HPCAL1: variants seen among roughly 807,000 people sequenced by gnomAD.
HPCAL1 encodes the protein hippocalcin-like protein 1.
A neutral mutation model predicts 17.1 loss-of-function variants in HPCAL1; 8 were observed. The ratio of observed to expected loss-of-function variants is 0.47; its 90% confidence interval spans 0.27 to 0.84. The LOEUF is 0.84. Among genes scored for constraint, HPCAL1 ranks in the 40% least tolerant of loss-of-function variants. The probability of loss-of-function intolerance (pLI) is 0.13; values close to 1 mark genes in which losing one functional copy is unlikely to be tolerated. For synonymous variants in HPCAL1, 112 were observed against 111.4 expected (o/e 1.01, Z -0.03); for missense variants, 165 against 271.1 (o/e 0.61, Z 2.75).
intron 1 of HPCAL1, among the ~76,000 whole-genome samples, chr2:10,334,395 C>T (rs1020050055): frequency 6.6e-6 from 1 of 151,996 alleles, no homozygotes; most frequent in Admixed American, 6.5e-5. Flanking sequence ...GTAGTCCCAG[C>T]TCTTCAGGAG....
chr2:10,382,383 A>C (rs1668009511), intron 1 of HPCAL1, among the ~76,000 whole-genome samples: 1 of 152,116 alleles, frequency 6.6e-6, no homozygotes, highest in Admixed American at 6.5e-5. Context: ...ACAGTTGTCA[A>C]AACCCATAGA....
intron 1 of HPCAL1, among the ~76,000 whole-genome samples, chr2:10,312,026 TTCA>T (rs1161536301): frequency 6.7e-6 from 1 of 149,246 alleles, no homozygotes; most frequent in African/African-American, 2.5e-5. Context: ...ATCGTCACCA[TTCA>T]TCATCACTGT....
At chr2:10,410,071 G>A (rs537631611) in intron 2 of HPCAL1, among the ~76,000 whole-genome samples, 2 of 152,246 alleles carry the variant, frequency 1.3e-5, no homozygotes, top group East Asian at 3.9e-4. Context: ...TGACAGGTGT[G>A]AGCCACGGCG....
chr2:10,311,954 C>A (rs945891780), intron 1 of HPCAL1, among the ~76,000 whole-genome samples: 3 of 151,730 alleles, frequency 2.0e-5, no homozygotes, highest in Admixed American at 1.3e-4. Context: ...GTCATCATCA[C>A]CATCATCATC....
At chr2:10,351,322 G>A (rs1050585815) in intron 1 of HPCAL1, among the ~76,000 whole-genome samples, 6 of 152,206 alleles carry the variant, frequency 3.9e-5, no homozygotes, top group African/African-American at 7.2e-5. Flanking sequence ...CATATAATAC[G>A]ATTCCATCTA....
chr2:10,311,124 T>A (rs1452769731), intron 1 of HPCAL1, among the ~76,000 whole-genome samples: 1 of 152,192 alleles, frequency 6.6e-6, no homozygotes, highest in East Asian at 1.9e-4. Flanking sequence ...CTTCAGGGGC[T>A]GAGATAGGGC....
intron 1 of HPCAL1, among the ~76,000 whole-genome samples, chr2:10,388,302 A>C (rs1271535923): frequency 6.6e-6 from 1 of 152,178 alleles, no homozygotes; most frequent in East Asian, 1.9e-4. Context: ...CCAGAACAGG[A>C]GGTGCCTCAG....
Position 10,315,949 on chromosome 2 carries a change from C to T in HPCAL1, c.-111+12772C>T, listed in dbSNP as rs555422187. The stretch of plus-strand genomic sequence containing the variant: ...TTGAACCCAGGAGGTGGAGGTTGCA[C>T]TGACCCGAGATCAGGCCACTGCACT... On this transcript the variant is annotated intron_variant, in intron 1 of 4. Transcript: ENST00000307845. Among the ~76,000 whole-genome samples the T allele has an allele frequency of 2.6e-5, 4 of 152,182 alleles. No individual in the cohort carries two copies. The South Asian group carries it at 8.3e-4, about 32-fold the overall frequency.
intron 1 of HPCAL1, among the ~76,000 whole-genome samples, chr2:10,326,980 C>T (rs1442339412): frequency 6.6e-6 from 1 of 152,204 alleles, no homozygotes; most frequent in African/African-American, 2.4e-5. Flanking sequence ...GGTGTCGGCT[C>T]CTCGGAAGCC....
chr2:10,329,410 G>A (rs961870101), intron 1 of HPCAL1, among the ~76,000 whole-genome samples: 13 of 152,078 alleles, frequency 8.5e-5, no homozygotes, highest in African/African-American at 3.1e-4. Flanking sequence ...GCTGCAGTGA[G>A]CCCGAGGGAG....
intron 2 of HPCAL1, among the ~76,000 whole-genome samples, chr2:10,407,363 T>C (rs1431134041): frequency 6.6e-6 from 1 of 152,184 alleles, no homozygotes; most frequent in African/African-American, 2.4e-5. Flanking sequence ...AGTCACAGAA[T>C]GTTAGAATAA....
chr2:10,378,852 T>C (rs1667758891), intron 1 of HPCAL1, among the ~76,000 whole-genome samples: 1 of 152,196 alleles, frequency 6.6e-6, no homozygotes, highest in Admixed American at 6.5e-5. Context: ...GAAACAATTA[T>C]AATGCATAAT....
chr2:10,353,841 C>A (rs1665982035), intron 1 of HPCAL1, among the ~76,000 whole-genome samples: 1 of 152,198 alleles, frequency 6.6e-6, no homozygotes, highest in African/African-American at 2.4e-5. Flanking sequence ...GGATTACAGG[C>A]GTGAGCCACC....
intron 1 of HPCAL1, among the ~76,000 whole-genome samples, chr2:10,324,988 ATTT>A (rs70948884): frequency 1.3e-4 from 18 of 136,996 alleles, no homozygotes; most frequent in African/African-American, 4.3e-4. Flanking sequence ...ACGCCCAGCA[ATTT>A]TTTTTTTTTT....
At chr2:10,318,134 T>G (rs1663435461) in intron 1 of HPCAL1, among the ~76,000 whole-genome samples, 1 of 152,206 alleles carries the variant, frequency 6.6e-6, no homozygotes, top group Non-Finnish European at 1.5e-5. Context: ...GGCAGTCAAC[T>G]TGGTGGTTGG....
At chr2:10,420,799 C>T (rs774526103) in intron 3 of HPCAL1, among the ~76,000 whole-genome samples, 2 of 151,844 alleles carry the variant, frequency 1.3e-5, no homozygotes, top group Non-Finnish European at 1.5e-5. Flanking sequence ...CTCACTTTGT[C>T]GCCCAGGCTG....
chr2:10,385,345 G>A (rs577797992), intron 1 of HPCAL1, among the ~76,000 whole-genome samples: 1 of 110,004 alleles, frequency 9.1e-6, no homozygotes, highest in African/African-American at 4.2e-5. Flanking sequence ...TTCAGCTCCC[G>A]GTCACTTGTC....
At chr2:10,374,871 C>T (rs543123379) in intron 1 of HPCAL1, among the ~76,000 whole-genome samples, 11 of 152,334 alleles carry the variant, frequency 7.2e-5, no homozygotes, top group Admixed American at 2.0e-4. Context: ...GTGGAGAACT[C>T]CCTGGGGCTG....
chr2:10,405,503 C>T lies in HPCAL1; in HGVS notation c.-25+8583C>T, dbSNP rs149605428. ...GGCCCCGTAGTCTCAGTTTTGCTCC[C>T]GCTAGGGTGAAACACGGTTCCCTGG... On this transcript the variant is annotated intron_variant, in intron 2 of 4. Coordinates refer to ENST00000307845, the MANE Select transcript of HPCAL1 (RefSeq NM_002149.4). 9.8e-5 allele frequency among the ~76,000 whole-genome samples: 15 copies of T among 152,358 alleles called. No individual in the cohort carries two copies. In the East Asian group the frequency reaches 2.3e-3, roughly 23 times the overall value.
Sources: allele counts gnomAD v4.1 joint callset (sites outside exome capture counted in the v4.1 genomes callset), GRCh38; gene constraint gnomAD v4.1.1; transcripts MANE v1.5; gene names NCBI Gene and HGNC (gene_info 2026-07-23, HGNC 2026-07-21).